ADGRB3: variants seen among roughly 807,000 people sequenced by gnomAD.
ADGRB3 encodes the protein brain-specific angiogenesis inhibitor 3.
ADGRB3 carries 37 observed loss-of-function variants against 193.4 expected under a neutral mutation model. The observed-to-expected ratio is 0.19, with a 90% CI of 0.15 to 0.25. The LOEUF is 0.25. Ranked by LOEUF, ADGRB3 falls within the 10% of genes least tolerant of loss-of-function variation. ADGRB3 has a pLI of 1.00. For missense variants in ADGRB3, 1,637 were observed against 1,852.9 expected, an observed-to-expected ratio of 0.88 and a Z score of 2.14; for synonymous variants, 690 against 644.2, an observed-to-expected ratio of 1.07 and a Z score of -1.08.
intron 3 of ADGRB3, among the ~76,000 whole-genome samples, chr6:68,867,768 G>T (rs1239593515): frequency 6.6e-6 from 1 of 152,156 alleles, no homozygotes; most frequent in African/African-American, 2.4e-5. Context: ...GACGTCAAAG[G>T]AGATTATTTT....
At chr6:69,093,862 T>G (rs1000664799) in intron 17 of ADGRB3, among the ~76,000 whole-genome samples, 1 of 152,184 alleles carries the variant, frequency 6.6e-6, no homozygotes, top group Non-Finnish European at 1.5e-5. Context: ...TCGTAAGACC[T>G]GTGTTTGCTT....
At chr6:69,273,354 A>G (rs1369730469) in intron 20 of ADGRB3, among the ~76,000 whole-genome samples, 1 of 152,202 alleles carries the variant, frequency 6.6e-6, no homozygotes, top group African/African-American at 2.4e-5. Flanking sequence ...AAATGTGGCC[A>G]TGTAGACTAG....
chr6:68,661,375 GTATACATATATATA>G (rs1234758997), intron 3 of ADGRB3, among the ~76,000 whole-genome samples: 6,960 of 70,074 alleles, frequency 0.099, 221 homozygotes, highest in Non-Finnish European at 0.13. Flanking sequence ...ATATATATGT[GTATACATATATATA>G]TGTGTGTATA....
chr6:68,710,314 G>C (rs776064502), intron 3 of ADGRB3, among the ~76,000 whole-genome samples: 13 of 152,140 alleles, frequency 8.5e-5, no homozygotes, highest in Non-Finnish European at 1.8e-4. Flanking sequence ...GTGGGTTTCT[G>C]TTTTCCTTCC....
intron 17 of ADGRB3, among the ~76,000 whole-genome samples, chr6:69,081,184 C>G (rs1772376573): frequency 6.6e-6 from 1 of 151,952 alleles, no homozygotes; most frequent in South Asian, 2.1e-4. Flanking sequence ...TTCCATTATC[C>G]ATTCAGGTCC....
At chr6:68,823,321 T>TA (rs577054537) in intron 3 of ADGRB3, among the ~76,000 whole-genome samples, 286 of 152,006 alleles carry the variant, frequency 1.9e-3, no homozygotes, top group Non-Finnish European at 3.5e-3. Flanking sequence ...TGAATTTACT[T>TA]AAAAAAATGT....
intron 3 of ADGRB3, among the ~76,000 whole-genome samples, chr6:68,835,516 T>C (rs1768029409): frequency 6.6e-6 from 1 of 152,146 alleles, no homozygotes; most frequent in African/African-American, 2.4e-5. Context: ...ATTAAGGAAC[T>C]AAGTTACACC....
chr6:69,055,170 T>C (rs1447082110), intron 15 of ADGRB3, among the ~76,000 whole-genome samples: 3 of 152,174 alleles, frequency 2.0e-5, no homozygotes, highest in African/African-American at 7.2e-5. Context: ...AACATAAAAT[T>C]TACCATAATA....
chr6:68,979,204 A>G (rs886592215), intron 10 of ADGRB3, among the ~76,000 whole-genome samples: 5 of 151,436 alleles, frequency 3.3e-5, no homozygotes, highest in Non-Finnish European at 5.9e-5. Context: ...TGAGTAAAGC[A>G]CGACTTTGCT....
At chr6:69,065,835 A>G (rs1385800402) in intron 16 of ADGRB3, among the ~76,000 whole-genome samples, 2 of 150,742 alleles carry the variant, frequency 1.3e-5, no homozygotes, top group Non-Finnish European at 3.0e-5. Flanking sequence ...CAGTATCTGC[A>G]TCCGTGGATT....
At chr6:69,383,379 G>A (rs916986304) in intron 31 of ADGRB3, among the ~76,000 whole-genome samples, 1 of 151,772 alleles carries the variant, frequency 6.6e-6, no homozygotes, top group Non-Finnish European at 1.5e-5. Flanking sequence ...CTTATTTTGT[G>A]GTAAGAATTT....
At chr6:68,773,209 G>T (rs947538791) in intron 3 of ADGRB3, among the ~76,000 whole-genome samples, 2 of 151,970 alleles carry the variant, frequency 1.3e-5, no homozygotes, top group African/African-American at 4.8e-5. Context: ...ATTTAACAAA[G>T]AAGTTGGGGT....
chr6:69,233,041 G>T, intron 17 of ADGRB3: 1 of 525,058 alleles, frequency 1.9e-6, no homozygotes, highest in South Asian at 2.3e-5. Flanking sequence ...GCTAGTCCCG[G>T]TTTCAGCACC....
intron 20 of ADGRB3, among the ~76,000 whole-genome samples, chr6:69,268,750 A>G (rs1767106172): frequency 6.6e-6 from 1 of 152,102 alleles, no homozygotes; most frequent in South Asian, 2.1e-4. Flanking sequence ...TTCATTAGAG[A>G]AAAGCCTCTT....
intron 31 of ADGRB3, among the ~76,000 whole-genome samples, chr6:69,384,008 C>A (rs1770007565): frequency 1.3e-5 from 2 of 151,952 alleles, no homozygotes; most frequent in Admixed American, 1.3e-4. Flanking sequence ...CCCTAGCTTC[C>A]TGATTAGTAA....
chr6:68,839,466 T>C (rs1562051147), intron 3 of ADGRB3, among the ~76,000 whole-genome samples: 1 of 152,218 alleles, frequency 6.6e-6, no homozygotes, highest in Non-Finnish European at 1.5e-5. Context: ...GAAGGTTTGC[T>C]CCATCATTCT....
At chr6:69,145,912 G>A (rs1561933575) in intron 17 of ADGRB3, among the ~76,000 whole-genome samples, 2 of 152,210 alleles carry the variant, frequency 1.3e-5, no homozygotes, top group Middle Eastern at 3.4e-3. Context: ...ATGCACTTCA[G>A]AAGGGAGGAA....
chr6:68,849,997 T>G (rs893880602), intron 3 of ADGRB3, among the ~76,000 whole-genome samples: 3 of 151,974 alleles, frequency 2.0e-5, no homozygotes, highest in Non-Finnish European at 4.4e-5. Context: ...ATGTGTGATA[T>G]TTTACACATA....
At chr6:68,647,077 A>G (rs993717709) in intron 3 of ADGRB3, among the ~76,000 whole-genome samples, 2 of 152,186 alleles carry the variant, frequency 1.3e-5, no homozygotes, top group African/African-American at 4.8e-5. Context: ...GAATACTGTT[A>G]ATAATGAAGT....
Sources: gnomAD v4.1 joint callset for allele counts (sites outside exome capture counted in the v4.1 genomes callset) on GRCh38, gnomAD v4.1.1 for gene constraint, MANE v1.5 for transcripts, NCBI Gene and HGNC (gene_info 2026-07-23, HGNC 2026-07-21) for gene names.